The following CCDC13 variants were observed in gnomAD, a reference collection of about 807,000 sequenced individuals.
The protein encoded by CCDC13 is coiled-coil domain containing 13, also known as coiled-coil domain-containing protein 13.
In CCDC13, 70 loss-of-function variants were observed where a neutral mutation model predicts 87.3. The ratio of observed to expected loss-of-function variants is 0.80; its 90% CI spans 0.66 to 0.98. The LOEUF (loss-of-function observed/expected upper bound fraction) is 0.98. Among genes scored for constraint, CCDC13 ranks in the 50% least tolerant of loss-of-function variants. CCDC13 has a pLI of 0.00. For synonymous variants in CCDC13, 317 were observed against 360.3 expected, an observed-to-expected ratio of 0.88 and a Z score of 1.36; for missense variants, 842 against 892.0, an observed-to-expected ratio of 0.94 and a Z score of 0.71.
chr3:42,733,773 A>G (rs1698907909), intron 10 of CCDC13, 164 bp from the exon 11 acceptor site: 1 of 342,454 alleles, frequency 2.9e-6, no homozygotes, highest in Non-Finnish European at 4.1e-6. Flanking sequence ...TACTTGCATG[A>G]TAATGACATC....
chr3:42,750,190 T>C (rs1430229762), intron 5 of CCDC13, among the ~76,000 whole-genome samples: 3 of 152,164 alleles, frequency 2.0e-5, no homozygotes. Context: ...TCGTTCCCCT[T>C]TTCTCCCGTG....
chr3:42,742,210 A>T (rs961226334), intron 8 of CCDC13, among the ~76,000 whole-genome samples: 2 of 152,252 alleles, frequency 1.3e-5, no homozygotes, highest in Non-Finnish European at 2.9e-5. Context: ...AAGGATGGTC[A>T]CATAACCCAG....
rs1175052996 is a variant in CCDC13, at chr3:42,707,538, G to A, written c.*1442C>T. Among the ~76,000 whole-genome samples the A allele has an allele frequency of 6.6e-6, 1 of 152,234 alleles. No homozygotes were observed. The highest frequency in any genetic ancestry group is 2.4e-5 in the African/African-American group (1 of 41,470). ...AGACAGGGTCCCAGGAGCCGCAGTGGCTTTTCCAAGGAAGGAGCTGACAAG... is the reference window on the plus strand; with the variant it reads ...AGACAGGGTCCCAGGAGCCGCAGTGACTTTTCCAAGGAAGGAGCTGACAAG... On this transcript the variant is annotated 3_prime_UTR_variant, in exon 16 of 16. Transcript: ENST00000310232.
In CCDC13 at chr3:42,747,395, G is replaced by T. The variant is rs192020900; in HGVS notation, c.604-22C>A. The T allele has an allele frequency of 4.7e-4, 726 of 1,532,658 alleles. 1 individual carries two copies. Among genetic ancestry groups the T allele is most frequent in the Non-Finnish European group, 2.9e-4 (317 of 1,107,408 alleles). The allele number at this position is 1,532,658 out of a possible 1,614,324, so 94.9% of individuals were successfully genotyped here. On this transcript the variant is annotated intron_variant, in intron 5 of 15. Coordinates refer to ENST00000310232, the MANE Select transcript of CCDC13 (RefSeq NM_144719.4). Reference sequence around the variant, plus strand: ...CCAGCTGGTTGGGAAGGACAGGAGAGAAAGTAGTCATTTATTGCCTACATG... The same window carrying T: ...CCAGCTGGTTGGGAAGGACAGGAGATAAAGTAGTCATTTATTGCCTACATG...
At chr3:42,762,661 G>A (rs1699858533) in intron 1 of CCDC13, among the ~76,000 whole-genome samples, 1 of 152,210 alleles carries the variant, frequency 6.6e-6, no homozygotes, top group Admixed American at 6.5e-5. Context: ...ACAACTGGAA[G>A]CTTGCACCTG....
chr3:42,738,251 T>C (rs1699094404), intron 9 of CCDC13, among the ~76,000 whole-genome samples: 1 of 152,236 alleles, frequency 6.6e-6, no homozygotes, highest in African/African-American at 2.4e-5. Context: ...GAGGCCTCTG[T>C]TCTGTTCCAT....
In CCDC13 at chr3:42,747,112, G is replaced by A. The variant is rs746046186; in HGVS notation, c.720+145C>T. 7 of 778,152 alleles carry A rather than the reference G, an allele frequency of 9.0e-6. No individual in the cohort carries two copies. In the South Asian group the frequency reaches 9.5e-5, roughly 11 times the overall value. The allele number at this position is 778,152 out of a possible 1,614,324, so 48.2% of individuals were successfully genotyped here. Reference sequence around the variant, plus strand: ...CCAAGGGCTGGTGGGAGGAAGGACTGGAACTGGAGCCTGACCCAGAGCAAG... The same window carrying A: ...CCAAGGGCTGGTGGGAGGAAGGACTAGAACTGGAGCCTGACCCAGAGCAAG... On this transcript the variant is annotated intron_variant, in intron 6 of 15. Coordinates refer to ENST00000310232, the MANE Select transcript of CCDC13 (RefSeq NM_144719.4).
At chr3:42,754,450 G>GT (rs1160730008) in intron 3 of CCDC13, among the ~76,000 whole-genome samples, 1 of 152,146 alleles carries the variant, frequency 6.6e-6, no homozygotes, top group East Asian at 1.9e-4. Flanking sequence ...TGTCAGGAGG[G>GT]TAACGGGGGT....
chr3:42,772,249 G>C (rs1300203591), intron 1 of CCDC13, among the ~76,000 whole-genome samples: 1 of 141,870 alleles, frequency 7.0e-6, no homozygotes, highest in Non-Finnish European at 1.5e-5. Flanking sequence ...CAGCCTGGGC[G>C]ATAGAGCGAG....
intron 13 of CCDC13, 36 bp downstream of exon 13, chr3:42,730,431 G>C (rs1274215718): frequency 6.2e-7 from 1 of 1,603,126 alleles, no homozygotes; most frequent in Admixed American, 1.7e-5. Context: ...ACCACATGCA[G>C]GCCTATGGGA....
At chr3:42,735,979 C>G in intron 9 of CCDC13, 66 bp from the exon 10 acceptor site, 2 of 1,466,736 alleles carry the variant, frequency 1.4e-6, no homozygotes, top group Non-Finnish European at 1.9e-6. Flanking sequence ...AGGACAAGAA[C>G]AGACTGCCTC....
intron 1 of CCDC13, among the ~76,000 whole-genome samples, chr3:42,772,288 AAAG>A (rs1312374570): frequency 6.1e-5 from 5 of 81,788 alleles, no homozygotes; most frequent in African/African-American, 2.1e-4. Context: ...AAAAAAAAAA[AAAG>A]TAATAATAAA....
chr3:42,739,734 C>T lies in CCDC13; in HGVS notation c.1064G>A (p.Arg355Gln), dbSNP rs755090469. The change falls in exon 9 of 16, where the codon CGG becomes CAG. Residue 355 changes from arginine to glutamine, a missense_variant. Coordinates refer to ENST00000310232, the MANE Select transcript of CCDC13 (RefSeq NM_144719.4). ...LKKKFEGMRSRNKLLSSEMKT... is the reference protein window; with the variant it reads ...LKKKFEGMRSQNKLLSSEMKT... ...CATCTCACTTGACAGCAGCTTGTTC[C>T]GAGACCTCATGCCCTCGAACTTCTT... is the stretch of plus-strand genomic sequence containing the variant. 1.2e-5 allele frequency: 19 copies of T among 1,614,096 alleles called. No homozygotes were observed. The East Asian group carries it at 1.6e-4, about 13-fold the overall frequency.
At chr3:42,757,462 GT>G (rs1436958464) in intron 2 of CCDC13, among the ~76,000 whole-genome samples, 2 of 152,234 alleles carry the variant, frequency 1.3e-5, no homozygotes, top group African/African-American at 4.8e-5. Context: ...GCTGGGTGTG[GT>G]GGCTCATGCC....
At chr3:42,730,660 G>A (rs1196913206) in intron 12 of CCDC13, 71 bp from the exon 13 acceptor site, 1 of 1,578,560 alleles carries the variant, frequency 6.3e-7, no homozygotes, top group East Asian at 2.3e-5. Flanking sequence ...CCCTGTGATG[G>A]TTGGAGGGAC....
At chr3:42,749,128 C>G (rs530589081) in intron 5 of CCDC13, among the ~76,000 whole-genome samples, 1 of 152,122 alleles carries the variant, frequency 6.6e-6, no homozygotes, top group South Asian at 2.1e-4. Context: ...TCCCTGCATA[C>G]TCTGTTGGGT....
At chr3:42,710,974 G>A (rs879348568) in intron 14 of CCDC13, among the ~76,000 whole-genome samples, 8 of 152,046 alleles carry the variant, frequency 5.3e-5, no homozygotes, top group Non-Finnish European at 1.2e-4. Context: ...AGCCGGGTGC[G>A]GTGGCTCATG....
At chr3:42,720,985 C>T (rs537299415) in intron 13 of CCDC13, among the ~76,000 whole-genome samples, 15 of 152,256 alleles carry the variant, frequency 9.9e-5, no homozygotes, top group South Asian at 6.2e-4. Context: ...ACATCAATAA[C>T]GCACTAATGC....
At chr3:42,739,477 C>T (rs1699140929) in intron 9 of CCDC13, among the ~76,000 whole-genome samples, 157 bp downstream of exon 9, 1 of 152,212 alleles carries the variant, frequency 6.6e-6, no homozygotes, top group Non-Finnish European at 1.5e-5. Flanking sequence ...GTCCCTGGGG[C>T]AGGGCTTTGG....
Sources: allele counts gnomAD v4.1 joint callset (sites outside exome capture counted in the v4.1 genomes callset), GRCh38; gene constraint gnomAD v4.1.1; transcripts MANE v1.5; gene names NCBI Gene and HGNC (gene_info 2026-07-23, HGNC 2026-07-21).